Variants in PPP1R7 observed in about 807,000 individuals in gnomAD.
PPP1R7 encodes protein phosphatase 1 regulatory subunit 22.
PPP1R7 carries 18 observed loss-of-function variants against 45.2 expected under a neutral mutation model. The ratio of observed to expected loss-of-function variants is 0.40; its 90% CI spans 0.28 to 0.59. The LOEUF is 0.59. Among genes scored for constraint, PPP1R7 ranks in the 20% least tolerant of loss-of-function variants. The pLI, the probability that PPP1R7 is intolerant of heterozygous loss-of-function variation, is 0.46. For missense variants in PPP1R7, 314 were observed against 455.8 expected (o/e 0.69, Z 2.83); for synonymous variants, 181 against 183.4 (o/e 0.99, Z 0.11).
chr2:241,170,295 A>G (rs905370079), intron 9 of PPP1R7, among the ~76,000 whole-genome samples: 1 of 152,256 alleles, frequency 6.6e-6, no homozygotes, highest in Non-Finnish European at 1.5e-5. Flanking sequence ...ATTCCAGCAC[A>G]ACAGAAGGAA....
chr2:241,157,741 G>A, intron 2 of PPP1R7, 66 bp from the exon 3 acceptor site: 2 of 1,491,970 alleles, frequency 1.3e-6, no homozygotes, highest in Non-Finnish European at 1.9e-6. Flanking sequence ...TCAGCCAGAA[G>A]CAGCTCTTCA....
chr2:241,154,403 T>C (rs1408447775), intron 2 of PPP1R7, among the ~76,000 whole-genome samples: 2 of 152,014 alleles, frequency 1.3e-5, no homozygotes, highest in East Asian at 3.9e-4. Flanking sequence ...AGTGCCTAGA[T>C]GTGGCCGGGC....
chr2:241,151,200 G>A (rs2067291013), intron 1 of PPP1R7, among the ~76,000 whole-genome samples: 1 of 152,174 alleles, frequency 6.6e-6, no homozygotes, highest in Non-Finnish European at 1.5e-5. Context: ...AGTCATATAC[G>A]TGCACGTACA....
rs2067370026 is a variant in PPP1R7 at position 241,153,510 on chromosome 2, T to C, written c.87T>C (p.Asp29=). 3 of 1,614,030 alleles carry C rather than the reference T, an allele frequency of 1.9e-6. No homozygotes were observed. Among genetic ancestry groups the C allele is most frequent in the South Asian group, 1.1e-5 (1 of 91,088 alleles). The change falls in exon 2 of 10, where the codon GAT becomes GAC. Residue 29 remains aspartate (D), a synonymous_variant. Transcript: ENST00000234038. Reference sequence around the variant, plus strand: ...GGGTCGAGTCTGAAGAATCCGGCGATGAAGAAGGGAAGAAACACAGCAGTG... The same window carrying C: ...GGGTCGAGTCTGAAGAATCCGGCGACGAAGAAGGGAAGAAACACAGCAGTG... The part of the protein sequence containing the change: ...DRRVESEESG[D]EEGKKHSSGI...
chr2:241,160,294 G>A lies in PPP1R7; in HGVS notation c.435-38G>A, dbSNP rs76388950. Reference sequence around the variant, plus strand: ...TGTGAGTTCTATGCAACCTATGCTCGTGAAATTTTTTTAAAAAACTGTTTT... The same window carrying A: ...TGTGAGTTCTATGCAACCTATGCTCATGAAATTTTTTTAAAAAACTGTTTT... On this transcript the variant is annotated intron_variant, in intron 5 of 9. Coordinates refer to ENST00000234038, the MANE Select transcript of PPP1R7 (RefSeq NM_002712.3). 3.8e-3 allele frequency: 5,865 copies of A among 1,543,098 alleles called. 169 individuals are homozygous for A. In the African/African-American group the frequency reaches 0.062, roughly 16 times the overall value.
At chr2:241,176,512 T>C (rs150094515) in intron 9 of PPP1R7, among the ~76,000 whole-genome samples, 1,845 of 151,492 alleles carry the variant, frequency 0.012, 23 homozygotes, top group Middle Eastern at 0.054. Context: ...GGCTAGAGTG[T>C]AGTGGCACGA....
At chr2:241,166,579 C>A in intron 8 of PPP1R7, 138 bp downstream of exon 8, 1 of 696,712 alleles carries the variant, frequency 1.4e-6, no homozygotes, top group Non-Finnish European at 2.4e-6. Context: ...TCAGAAAGAC[C>A]TTCCCATCCT....
At chr2:241,182,125 G>A (rs960027395) in intron 9 of PPP1R7, among the ~76,000 whole-genome samples, 1 of 152,320 alleles carries the variant, frequency 6.6e-6, no homozygotes, top group Non-Finnish European at 1.5e-5. Context: ...ACCTGCTCAC[G>A]ATTTGTGTCC....
intron 6 of PPP1R7, among the ~76,000 whole-genome samples, chr2:241,161,942 C>T (rs1000829152): frequency 6.6e-6 from 1 of 152,220 alleles, no homozygotes; most frequent in African/African-American, 2.4e-5. Context: ...CCGCCCCTGC[C>T]CATGTTCAGA....
intron 7 of PPP1R7, among the ~76,000 whole-genome samples, chr2:241,164,739 A>T (rs943161234): frequency 6.6e-6 from 1 of 152,160 alleles, no homozygotes; most frequent in East Asian, 1.9e-4. Context: ...TCTCTAAAAA[A>T]ATTAAAAATA....
chr2:241,169,792 G>A lies in PPP1R7; in HGVS notation c.831G>A (p.Thr277=), dbSNP rs978224836. 6.2e-6 allele frequency: 10 copies of A among 1,609,252 alleles called. No individual in the cohort carries two copies. The highest frequency in any genetic ancestry group is 1.7e-5 in the Admixed American group (1 of 59,980). ...IEGLENNNKL[T]MLDIASNRIK... is the part of the protein sequence containing the mutation. Reference sequence around the variant, plus strand: ...TTTCCTTCTTTTAGAACAAACTCACGATGTTGGACATTGCATCAAATAGAA... The same window carrying A: ...TTTCCTTCTTTTAGAACAAACTCACAATGTTGGACATTGCATCAAATAGAA... The change falls in exon 9 of 10, where the codon ACG becomes ACA. Residue 277 remains threonine (T), a synonymous_variant. Transcript: ENST00000234038.
upstream of PPP1R7, chr2:241,150,142 A>G: frequency 7.9e-7 from 1 of 1,270,010 alleles, no homozygotes; most frequent in Non-Finnish European, 9.9e-7. Context: ...CGAGACAGTG[A>G]CATAAGTCAA....
At chr2:241,154,086 A>G (rs1039674950) in intron 2 of PPP1R7, among the ~76,000 whole-genome samples, 1 of 147,348 alleles carries the variant, frequency 6.8e-6, no homozygotes, top group African/African-American at 2.5e-5. Flanking sequence ...AGGCTGAGGC[A>G]GGAGAACCGC....
intron 8 of PPP1R7, among the ~76,000 whole-genome samples, chr2:241,168,357 C>T (rs1237352177): frequency 6.6e-6 from 1 of 152,124 alleles, no homozygotes; most frequent in African/African-American, 2.4e-5. Flanking sequence ...TGCGTGTGTT[C>T]CAGGCCACTT....
At chr2:241,160,200 C>A in intron 5 of PPP1R7, 132 bp from the exon 6 acceptor site, 1 of 667,662 alleles carries the variant, frequency 1.5e-6, no homozygotes, top group Non-Finnish European at 2.5e-6. Flanking sequence ...ACAGTCAGAA[C>A]CCCCCACCCT....
intron 2 of PPP1R7, among the ~76,000 whole-genome samples, chr2:241,156,929 G>C (rs775173543): frequency 6.6e-5 from 10 of 152,298 alleles, no homozygotes; most frequent in Non-Finnish European, 1.2e-4. Context: ...GCGTGTGTCT[G>C]TGTAGTGTGC....
At chr2:241,166,251 G>C in intron 7 of PPP1R7, 86 bp from the exon 8 acceptor site, 1 of 1,136,100 alleles carries the variant, frequency 8.8e-7, no homozygotes, top group Non-Finnish European at 1.3e-6. Context: ...AATTCTTCAA[G>C]ATAACACAAA....
intron 7 of PPP1R7, among the ~76,000 whole-genome samples, chr2:241,165,743 G>A (rs1332691962): frequency 2.8e-5 from 4 of 141,958 alleles, no homozygotes; most frequent in Admixed American, 7.1e-5. Context: ...ACAGGCACCC[G>A]CCACCACGCC....
chr2:241,150,171 C>G, upstream of PPP1R7: 3 of 1,273,740 alleles, frequency 2.4e-6, no homozygotes, highest in Admixed American at 3.9e-5. Flanking sequence ...CCCAGGGCGT[C>G]TCTCCACTCT....
Sources: gnomAD v4.1 joint callset for allele counts (sites outside exome capture counted in the v4.1 genomes callset) on GRCh38, gnomAD v4.1.1 for gene constraint, MANE v1.5 for transcripts, NCBI Gene and HGNC (gene_info 2026-07-23, HGNC 2026-07-21) for gene names.